PCDH9: variants seen among roughly 807,000 people sequenced by gnomAD.
PCDH9 encodes the protein protocadherin-9.
PCDH9 carries 24 observed loss-of-function variants against 70.6 expected under a neutral mutation model. The ratio of observed to expected loss-of-function variants is 0.34; its 90% CI spans 0.25 to 0.48. PCDH9 has a LOEUF of 0.48. PCDH9 is among the 20% of genes least tolerant of loss of function. PCDH9 has a pLI of 0.99. For missense variants in PCDH9, 1,281 were observed against 1,503.6 expected (o/e 0.85, Z 2.45); for synonymous variants, 562 against 558.5 (o/e 1.01, Z -0.09).
intron 2 of PCDH9, among the ~76,000 whole-genome samples, chr13:66,986,466 AATC>A: frequency 6.6e-6 from 1 of 152,154 alleles, no homozygotes; most frequent in Middle Eastern, 3.4e-3. Context: ...GCAACTGAAT[AATC>A]TGTTTTTCAC....
intron 4 of PCDH9, among the ~76,000 whole-genome samples, chr13:66,617,994 C>A (rs143896284): frequency 8.2e-4 from 125 of 152,218 alleles, no homozygotes; most frequent in African/African-American, 2.9e-3. Context: ...AGCCAGCCTG[C>A]GCACTGAGTT....
intron 3 of PCDH9, among the ~76,000 whole-genome samples, chr13:66,717,483 ATATATATATAT>A (rs2078885605): frequency 5.2e-5 from 1 of 19,318 alleles, no homozygotes; most frequent in Non-Finnish European, 9.8e-5. Context: ...AAAAAAAAAT[ATATATATATAT>A]ATATATATAT....
At chr13:66,975,560 T>C (rs2083602637) in intron 2 of PCDH9, among the ~76,000 whole-genome samples, 1 of 151,922 alleles carries the variant, frequency 6.6e-6, no homozygotes, top group Non-Finnish European at 1.5e-5. Context: ...TTCTGAGAAA[T>C]TCAAAACATG....
At chr13:67,212,700 T>C (rs1296033563) in intron 2 of PCDH9, 2 of 152,136 alleles carry the variant, frequency 1.3e-5, no homozygotes, top group Non-Finnish European at 2.9e-5. Flanking sequence ...TAGAATATCG[T>C]TCAGTAGTCT....
At chr13:67,063,542 A>AT (rs60841161) in intron 2 of PCDH9, among the ~76,000 whole-genome samples, 3 of 151,300 alleles carry the variant, frequency 2.0e-5, no homozygotes, top group Non-Finnish European at 4.4e-5. Flanking sequence ...AAAAAAAAAA[A>AT]TGCTACCACA....
chr13:66,473,881 A>G (rs1383798289), intron 4 of PCDH9, among the ~76,000 whole-genome samples: 1 of 152,168 alleles, frequency 6.6e-6, no homozygotes, highest in East Asian at 1.9e-4. Context: ...GTATGTTTGC[A>G]TAAGTTTGCC....
chr13:66,729,181 T>C (rs1266183296), intron 3 of PCDH9, among the ~76,000 whole-genome samples: 1 of 152,116 alleles, frequency 6.6e-6, no homozygotes, highest in African/African-American at 2.4e-5. Flanking sequence ...CCTCTTCTTG[T>C]GTTTCTTTGG....
At chr13:66,944,013 C>G (rs1182893411) in intron 2 of PCDH9, among the ~76,000 whole-genome samples, 1 of 151,310 alleles carries the variant, frequency 6.6e-6, no homozygotes, top group Non-Finnish European at 1.5e-5. Flanking sequence ...GTTTATATGT[C>G]TATAACTTAA....
intron 2 of PCDH9, among the ~76,000 whole-genome samples, chr13:67,123,825 AC>A (rs902264645): frequency 1.3e-5 from 2 of 151,802 alleles, no homozygotes; most frequent in African/African-American, 4.8e-5. Flanking sequence ...CCTTTGTAAA[AC>A]ACCTTGTCAC....
intron 2 of PCDH9, among the ~76,000 whole-genome samples, chr13:67,115,405 T>C (rs145011232): frequency 3.9e-5 from 6 of 152,206 alleles, no homozygotes; most frequent in African/African-American, 1.4e-4. Flanking sequence ...ATGCATGTTC[T>C]GTGCAACCCA....
chr13:66,345,091 C>G (rs1956192753), intron 4 of PCDH9, among the ~76,000 whole-genome samples: 1 of 152,090 alleles, frequency 6.6e-6, no homozygotes, highest in Non-Finnish European at 1.5e-5. Context: ...ATGCCTTTTT[C>G]CAAAGGGCAG....
chr13:66,586,539 C>T (rs866436623), intron 4 of PCDH9, among the ~76,000 whole-genome samples: 2 of 152,100 alleles, frequency 1.3e-5, no homozygotes, highest in Admixed American at 6.6e-5. Flanking sequence ...GCCCAGGCTG[C>T]TTGGTACAGA....
chr13:66,523,295 A>C (rs1960077748), intron 4 of PCDH9, among the ~76,000 whole-genome samples: 1 of 152,098 alleles, frequency 6.6e-6, no homozygotes, highest in African/African-American at 2.4e-5. Flanking sequence ...CATTTATTTA[A>C]TAATGGGAGT....
chr13:66,978,916 G>T (rs1031205792), intron 2 of PCDH9, among the ~76,000 whole-genome samples: 2 of 151,294 alleles, frequency 1.3e-5, no homozygotes, highest in Non-Finnish European at 3.0e-5. Flanking sequence ...TTTACATACA[G>T]TTACATAGAT....
rs1266308559 is a variant in PCDH9 at position 66,815,862 on chromosome 13, G to C, written c.3138+87642C>G. ...AATAATCTGTACATCAAACCCCTGTGATATGTAATTTAGCTATATAACAAA... is the reference window on the plus strand; with the variant it reads ...AATAATCTGTACATCAAACCCCTGTCATATGTAATTTAGCTATATAACAAA... On this transcript the variant is annotated intron_variant, in intron 3 of 4. Transcript: ENST00000377865. Among the ~76,000 whole-genome samples, 4 of 152,198 alleles carry C rather than the reference G, an allele frequency of 2.6e-5. No individual in the cohort carries two copies. The South Asian group carries it at 6.2e-4, about 24-fold the overall frequency.
chr13:66,669,608 T>G (rs2078144152), intron 3 of PCDH9, among the ~76,000 whole-genome samples: 1 of 152,060 alleles, frequency 6.6e-6, no homozygotes, highest in Admixed American at 6.6e-5. Flanking sequence ...CTCTAGCATC[T>G]CAGAAAACCA....
intron 3 of PCDH9, among the ~76,000 whole-genome samples, chr13:66,774,830 C>T (rs1156909077): frequency 6.6e-6 from 1 of 152,184 alleles, no homozygotes; most frequent in East Asian, 1.9e-4. Flanking sequence ...TTCACACTTG[C>T]TCACCTTCAA....
chr13:67,201,739 T>C (rs1257577848), intron 2 of PCDH9: 2 of 152,024 alleles, frequency 1.3e-5, no homozygotes, highest in Non-Finnish European at 2.9e-5. Context: ...CCTTTAATTA[T>C]CAATTTTCAA....
intron 3 of PCDH9, among the ~76,000 whole-genome samples, chr13:66,813,808 T>C (rs566830525): frequency 1.3e-5 from 2 of 152,256 alleles, no homozygotes; most frequent in East Asian, 3.9e-4. Flanking sequence ...TAGTGCTTTA[T>C]TATGCACAAT....
Sources: gnomAD v4.1 joint callset for allele counts (sites outside exome capture counted in the v4.1 genomes callset) on GRCh38, gnomAD v4.1.1 for gene constraint, MANE v1.5 for transcripts, NCBI Gene and HGNC (gene_info 2026-07-23, HGNC 2026-07-21) for gene names.